HSPA9: variants seen among roughly 807,000 people sequenced by gnomAD.
HSPA9 encodes heat shock protein family A (Hsp70) member 9.
Under a neutral mutation model 81.5 loss-of-function variants are expected in HSPA9, and 28 were observed. The observed-to-expected ratio is 0.34, with a 90% CI of 0.25 to 0.47. HSPA9 has a LOEUF of 0.47. Among genes scored for constraint, HSPA9 ranks in the 20% least tolerant of loss-of-function variants. The pLI is 1.00. For synonymous variants in HSPA9, 293 were observed against 290.4 expected (o/e 1.01, Z -0.09); for missense variants, 678 against 838.0 (o/e 0.81, Z 2.36).
At chr5:138,558,091 G>C in intron 12 of HSPA9, 105 bp from the exon 13 acceptor site, 6 of 808,268 alleles carry the variant, frequency 7.4e-6, no homozygotes, top group South Asian at 6.9e-5. Context: ...TGGTTCCTGG[G>C]AGAAACAAGT....
At chr5:138,567,369 A>G in intron 7 of HSPA9, 86 bp downstream of exon 7, 1 of 1,127,322 alleles carries the variant, frequency 8.9e-7, no homozygotes, top group East Asian at 2.3e-5. Flanking sequence ...AATCAGTAAA[A>G]GCACTGTAAA....
chr5:138,560,147 AAC>A, intron 10 of HSPA9, 56 bp from the exon 11 acceptor site: 1 of 1,271,278 alleles, frequency 7.9e-7, no homozygotes, highest in Non-Finnish European at 1.1e-6. Flanking sequence ...ACCTGAGCAG[AAC>A]AAAAGGGAGC....
chr5:138,566,882 G>T, intron 8 of HSPA9, 119 bp downstream of exon 8: 2 of 1,194,606 alleles, frequency 1.7e-6, no homozygotes, highest in Non-Finnish European at 2.5e-6. Flanking sequence ...ATTCTGAAAA[G>T]AGTATCTGTG....
intron 3 of HSPA9, among the ~76,000 whole-genome samples, chr5:138,572,469 C>CA (rs796130133): frequency 7.9e-5 from 12 of 152,314 alleles, no homozygotes; most frequent in African/African-American, 2.4e-4. Flanking sequence ...TGTGCAGAGA[C>CA]AGACTAGAAG....
chr5:138,554,408 C>T lies in HSPA9; in HGVS notation c.*1629G>A, dbSNP rs915638595. 2.6e-5 allele frequency among the ~76,000 whole-genome samples: 4 copies of T among 152,182 alleles called. No homozygotes were observed. The highest frequency in any genetic ancestry group is 2.1e-4 in the South Asian group (1 of 4,832). On this transcript the variant is annotated 3_prime_UTR_variant, in exon 17 of 17. Transcript: ENST00000297185. ...ATGCTAAAAGTTATTTTCCAACACACCATATAACAATCCTTCATAATCCTA... is the reference window on the plus strand; with the variant it reads ...ATGCTAAAAGTTATTTTCCAACACATCATATAACAATCCTTCATAATCCTA...
chr5:138,557,062 G>C, intron 14 of HSPA9, 196 bp from the exon 15 acceptor site: 1 of 632,636 alleles, frequency 1.6e-6, no homozygotes. Flanking sequence ...CATCAGAATT[G>C]TGACAGGGAA....
At chr5:138,564,719 G>A (rs967270335) in intron 9 of HSPA9, among the ~76,000 whole-genome samples, 2 of 152,114 alleles carry the variant, frequency 1.3e-5, no homozygotes, top group African/African-American at 4.8e-5. Flanking sequence ...TACATTAATA[G>A]TAACTTACAT....
Position 138,561,657 on chromosome 5 carries a change from C to G in HSPA9, c.1105G>C (p.Ala369Pro). ...TTGCTGACTTCTGCATCTTGCATAGCTTTTTGGCATGGAGCGATAGTCCTT... is the reference window on the plus strand; with the variant it reads ...TTGCTGACTTCTGCATCTTGCATAGGTTTTTGGCATGGAGCGATAGTCCTT... Reference protein sequence around the residue: ...IRRTIAPCQKAMQDAEVSKSD... With the variant: ...IRRTIAPCQKPMQDAEVSKSD... Residue 369 changes from alanine to proline, a missense_variant, in exon 10 of 17, where the codon GCT (alanine) becomes CCT (proline). Coordinates refer to ENST00000297185, the MANE Select transcript of HSPA9 (RefSeq NM_004134.7). 1 of 1,614,184 alleles carries G rather than the reference C, an allele frequency of 6.2e-7. No individual in the cohort carries two copies. The highest frequency in any genetic ancestry group is 8.5e-7 in the Non-Finnish European group (1 of 1,180,044).
chr5:138,573,722 G>GAC, intron 3 of HSPA9, 41 bp downstream of exon 3: 1 of 1,162,152 alleles, frequency 8.6e-7, no homozygotes, highest in Non-Finnish European at 1.3e-6. Context: ...CAGAATTCTG[G>GAC]ACAGATTCTG....
intron 9 of HSPA9, 67 bp from the exon 10 acceptor site, chr5:138,561,856 A>G: frequency 2.4e-6 from 3 of 1,233,434 alleles, no homozygotes; most frequent in Non-Finnish European, 3.6e-6. Context: ...TATTATTTCA[A>G]CTAAAATATG....
chr5:138,559,247 A>G (rs1323541333), intron 11 of HSPA9, among the ~76,000 whole-genome samples: 1 of 152,046 alleles, frequency 6.6e-6, no homozygotes, highest in African/African-American at 2.4e-5. Context: ...CTGGGACTAC[A>G]GGTACACAGC....
At chr5:138,569,233 GAAAT>G (rs747742709) in intron 4 of HSPA9, among the ~76,000 whole-genome samples, 184 bp from the exon 5 acceptor site, 85 of 152,082 alleles carry the variant, frequency 5.6e-4, no homozygotes, top group African/African-American at 7.5e-4. Context: ...AAGGCAAAAT[GAAAT>G]AAATAAATAA....
In HSPA9 at chr5:138,574,051, AATG is replaced by A. The variant is rs750562080; in HGVS notation, c.140+14_140+16del. 9.4e-6 allele frequency: 15 copies of A among 1,598,112 alleles called. No homozygotes were observed. Among genetic ancestry groups the A allele is most frequent in the African/African-American group, 2.7e-5 (2 of 74,620 alleles). On this transcript the variant is annotated intron_variant, in intron 2 of 16. Transcript: ENST00000297185. ...TTAATATGTATTCCCTCTCAAAGGA[AATG>A]ATATTATACTTACGCATAATCCCGC... is the stretch of plus-strand genomic sequence containing the variant.
At chr5:138,567,624 G>A (rs1279423488) in intron 6 of HSPA9, 25 bp downstream of exon 6, 2 of 1,610,948 alleles carry the variant, frequency 1.2e-6, no homozygotes, top group Non-Finnish European at 1.7e-6. Flanking sequence ...TACTTTTTGT[G>A]AATAAGAATG....
chr5:138,571,809 A>ATT (rs1268977007), intron 3 of HSPA9, among the ~76,000 whole-genome samples: 3 of 39,452 alleles, frequency 7.6e-5, no homozygotes, highest in African/African-American at 1.7e-4. Context: ...CACCCAACTA[A>ATT]TTTTGTGTGT....
chr5:138,570,929 CTTTTTGCAAAA>C lies in HSPA9; in HGVS notation c.410+20_410+30del. ...TCTGTGTGGCCCTTGCAAATAACTG[CTTTTTGCAAAA>C]AACTTTTGCTGTTACTCACATGTCT... On this transcript the variant is annotated intron_variant, in intron 4 of 16. Coordinates refer to ENST00000297185, the MANE Select transcript of HSPA9 (RefSeq NM_004134.7). 6.2e-7 allele frequency: 1 copy of C among 1,608,764 alleles called. No homozygotes were observed. The highest frequency in any genetic ancestry group is 8.5e-7 in the Non-Finnish European group (1 of 1,175,190).
chr5:138,559,901 A>G lies in HSPA9; in HGVS notation c.1373T>C (p.Ile458Thr), dbSNP rs1324070118. 3 of 1,613,906 alleles carry G rather than the reference A, an allele frequency of 1.9e-6. No homozygotes were observed. The highest frequency in any genetic ancestry group is 2.2e-5 in the East Asian group (1 of 44,880). ...ETLGGVFTKL[I>T]NRNTTIPTKK... ...GGTTGGAATAGTGGTATTCCTATTAATAAGTTTGGTAAAGACACCTCCTAG... is the reference window on the plus strand; with the variant it reads ...GGTTGGAATAGTGGTATTCCTATTAGTAAGTTTGGTAAAGACACCTCCTAG... Residue 458 changes from isoleucine (I) to threonine (T), a missense_variant, in exon 11 of 17, where the codon ATT (isoleucine) becomes ACT (threonine). Physicochemically the swap from Ile to Thr is moderately conservative, Grantham distance 89. Coordinates refer to ENST00000297185, the MANE Select transcript of HSPA9 (RefSeq NM_004134.7).
Position 138,559,054 on chromosome 5 carries a change from C to T in HSPA9, c.1411-397G>A, listed in dbSNP as rs1351462152. 20 of 203,328 alleles carry T rather than the reference C, an allele frequency of 9.8e-5. No individual in the cohort carries two copies. The South Asian group carries it at 1.6e-3, about 17-fold the overall frequency. The allele number at this position is 203,328 out of a possible 1,614,324, so 12.6% of individuals were successfully genotyped here. On this transcript the variant is annotated intron_variant, in intron 11 of 16. Coordinates refer to ENST00000297185, the MANE Select transcript of HSPA9 (RefSeq NM_004134.7). ...CATCACGGCACAAATATACCAACAACCATAGTTTTATGGAAAAACATCACA... is the reference window on the plus strand; with the variant it reads ...CATCACGGCACAAATATACCAACAATCATAGTTTTATGGAAAAACATCACA...
chr5:138,556,326 C>CT, intron 16 of HSPA9, 126 bp downstream of exon 16: 1 of 1,251,310 alleles, frequency 8.0e-7, no homozygotes, highest in Non-Finnish European at 1.2e-6. Flanking sequence ...CGGCAGGAGA[C>CT]TATCTCCCAA....
Sources: allele counts gnomAD v4.1 joint callset (sites outside exome capture counted in the v4.1 genomes callset), GRCh38; gene constraint gnomAD v4.1.1; transcripts MANE v1.5; gene names NCBI Gene and HGNC (gene_info 2026-07-23, HGNC 2026-07-21).